SREK1IP1: variants seen among roughly 807,000 people sequenced by gnomAD.
SREK1IP1 encodes SREK1 interacting protein 1.
Under a neutral mutation model 22.8 loss-of-function variants are expected in SREK1IP1, and 12 were observed. The observed-to-expected ratio is 0.53, with a 90% CI of 0.34 to 0.85. The LOEUF (loss-of-function observed/expected upper bound fraction) is 0.85. SREK1IP1 is among the 40% of genes least tolerant of loss of function. The pLI, the probability that SREK1IP1 is intolerant of heterozygous loss-of-function variation, is 0.02. For synonymous variants in SREK1IP1, 53 were observed against 52.7 expected (o/e 1.01, Z -0.02); for missense variants, 147 against 171.8 (o/e 0.86, Z 0.81).
chr5:64,761,761 T>C (rs1403683058), intron 1 of SREK1IP1, among the ~76,000 whole-genome samples: 2 of 152,198 alleles, frequency 1.3e-5, no homozygotes, highest in African/African-American at 4.8e-5. Flanking sequence ...AGCTAAGAAA[T>C]ACGCGTGTGC....
chr5:64,764,689 T>A (rs1286569660), intron 1 of SREK1IP1, among the ~76,000 whole-genome samples: 1 of 152,158 alleles, frequency 6.6e-6, no homozygotes, highest in Admixed American at 6.5e-5. Flanking sequence ...GTTAAGTGGC[T>A]TGAAGAGAAC....
intron 3 of SREK1IP1, among the ~76,000 whole-genome samples, chr5:64,739,215 C>G (rs1408569116): frequency 6.6e-6 from 1 of 152,038 alleles, no homozygotes; most frequent in Non-Finnish European, 1.5e-5. Context: ...GAAGTATTTC[C>G]TAGACTAATT....
chr5:64,740,289 C>A (rs1742531676), intron 3 of SREK1IP1, among the ~76,000 whole-genome samples: 1 of 151,992 alleles, frequency 6.6e-6, no homozygotes, highest in South Asian at 2.1e-4. Context: ...ATCTGTTAGC[C>A]ATAGAACCCC....
intron 1 of SREK1IP1, among the ~76,000 whole-genome samples, chr5:64,762,426 A>G (rs1742965909): frequency 6.6e-6 from 1 of 152,162 alleles, no homozygotes; most frequent in African/African-American, 2.4e-5. Context: ...GACAATTTCA[A>G]TTACTTCTGC....
chr5:64,739,819 CT>C (rs1284429974), intron 3 of SREK1IP1, among the ~76,000 whole-genome samples: 1 of 152,044 alleles, frequency 6.6e-6, no homozygotes. Flanking sequence ...TTCTCTCCCT[CT>C]TTTTCCTTTT....
chr5:64,735,114 G>A (rs1340924031), intron 3 of SREK1IP1, among the ~76,000 whole-genome samples: 3 of 151,696 alleles, frequency 2.0e-5, no homozygotes, highest in Admixed American at 6.6e-5. Flanking sequence ...TTTATCAGAA[G>A]TATATGATGG....
At chr5:64,750,099 TTGAA>T (rs1307202610) in intron 2 of SREK1IP1, among the ~76,000 whole-genome samples, 10 of 152,276 alleles carry the variant, frequency 6.6e-5, no homozygotes, top group Admixed American at 1.3e-4. Context: ...TGCCACGAGA[TTGAA>T]TGGACAGCCT....
intron 2 of SREK1IP1, among the ~76,000 whole-genome samples, chr5:64,749,059 CATAATAATAATAATA>C (rs58434271): frequency 0.027 from 3,498 of 131,610 alleles, 130 homozygotes; most frequent in African/African-American, 0.084. Context: ...AGCTATGCCA[CATAATAATAATAATA>C]ATAATAATAA....
Position 64,724,451 on chromosome 5 carries a change from T to G in SREK1IP1, c.401A>C (p.Glu134Ala). Reference sequence around the variant, plus strand: ...CTTTTCCTTTTTTCTCTTCTTTTTTTCCTTTTTGTGATGTTTCCCTTTTTT... The same window carrying G: ...CTTTTCCTTTTTTCTCTTCTTTTTTGCCTTTTTGTGATGTTTCCCTTTTTT... Reference protein sequence around the residue: ...KSKKGKHHKKEKKKRKKEKHS... With the variant: ...KSKKGKHHKKAKKKRKKEKHS... The change falls in exon 5 of 5, where the codon GAA becomes GCA. Residue 134 changes from glutamate (E) to alanine (A), a missense_variant. Glu to Ala is a moderately radical substitution (Grantham distance 107). Around this residue, in one of 3 missense-constraint regions of SREK1IP1, gnomAD observed 82 missense variants for 81.7 expected, o/e 1.00. Transcript: ENST00000513458. 6.3e-7 allele frequency: 1 copy of G among 1,589,126 alleles called. No homozygotes were observed.
chr5:64,744,500 C>G (rs1424542346), intron 2 of SREK1IP1, among the ~76,000 whole-genome samples: 1 of 152,142 alleles, frequency 6.6e-6, no homozygotes, highest in African/African-American at 2.4e-5. Context: ...GACGGATTCG[C>G]CACCGGTAAC....
chr5:64,757,861 C>CTTTTTTTTTTT (rs59456636), intron 1 of SREK1IP1, among the ~76,000 whole-genome samples: 1 of 72,944 alleles, frequency 1.4e-5, no homozygotes, highest in Non-Finnish European at 2.5e-5. Context: ...AGGTTCCTAT[C>CTTTTTTTTTTT]TTTTTTTTTT....
intron 1 of SREK1IP1, among the ~76,000 whole-genome samples, chr5:64,756,711 C>T (rs1177994374): frequency 2.6e-5 from 4 of 151,906 alleles, no homozygotes; most frequent in African/African-American, 9.7e-5. Context: ...ACTGCCAGCT[C>T]TGCCTCCCAG....
chr5:64,741,170 A>G lies in SREK1IP1; in HGVS notation c.92T>C (p.Phe31Ser), dbSNP rs1344645900. The G allele has an allele frequency of 6.2e-7, 1 of 1,611,804 alleles. No homozygotes were observed. Among genetic ancestry groups the G allele is most frequent in the Non-Finnish European group, 8.5e-7 (1 of 1,178,762 alleles). Residue 31 changes from phenylalanine to serine, a missense_variant, in exon 3 of 5, where the codon TTT becomes TCT. By Grantham distance (155) the Phe-to-Ser change is radical (BLOSUM62 -2). This residue lies in a region of SREK1IP1 where 62 missense variants were observed against 73.3 expected (regional missense o/e 0.85). Transcript: ENST00000513458. Reference sequence around the variant, plus strand: ...GTCCCTTTTAGGGTCTACTCGGAGAAAATTGCGGCATTCAAAAGTCAGGTG... The same window carrying G: ...GTCCCTTTTAGGGTCTACTCGGAGAGAATTGCGGCATTCAAAAGTCAGGTG... ...PGHLTFECRN[F>S]LRVDPKRDIV...
intron 1 of SREK1IP1, 103 bp from the exon 2 acceptor site, chr5:64,754,465 TTC>T (rs1742803057): frequency 8.3e-7 from 1 of 1,211,500 alleles, no homozygotes; most frequent in Admixed American, 2.1e-5. Context: ...GTTATAGAAT[TTC>T]TTTTTTTTTG....
intron 4 of SREK1IP1, among the ~76,000 whole-genome samples, chr5:64,725,939 A>ACTGCAACCTCCGCTCCC (rs1456675846): frequency 1.4e-5 from 2 of 140,272 alleles, no homozygotes; most frequent in Non-Finnish European, 3.0e-5. Context: ...ATCTCGGCTC[A>ACTGCAACCTCCGCTCCC]CTGCAACCTC....
intron 1 of SREK1IP1, chr5:64,765,202 AC>A (rs1331775547): frequency 3.9e-5 from 6 of 152,238 alleles, no homozygotes; most frequent in Non-Finnish European, 5.9e-5. Flanking sequence ...TATAATAACA[AC>A]TAAGAGTAAG....
intron 4 of SREK1IP1, among the ~76,000 whole-genome samples, chr5:64,727,355 TAA>T (rs1038883530): frequency 7.1e-6 from 1 of 141,128 alleles, no homozygotes; most frequent in Non-Finnish European, 1.5e-5. Context: ...AGTTAGTTTT[TAA>T]AAGAGTTAAT....
At chr5:64,767,705 C>A (rs1398277418) in intron 1 of SREK1IP1, among the ~76,000 whole-genome samples, 4 of 151,954 alleles carry the variant, frequency 2.6e-5, no homozygotes, top group African/African-American at 7.3e-5. Context: ...AGAATAGAAT[C>A]TTTTCTATTA....
At chr5:64,732,424 T>G (rs540027058) in intron 3 of SREK1IP1, among the ~76,000 whole-genome samples, 5 of 152,174 alleles carry the variant, frequency 3.3e-5, no homozygotes, top group Admixed American at 6.5e-5. Context: ...CAATTTATTT[T>G]TATTAGCAAC....
Sources: allele counts gnomAD v4.1 joint callset (sites outside exome capture counted in the v4.1 genomes callset), GRCh38; gene constraint gnomAD v4.1.1; regional missense constraint gnomAD v4.1.1; transcripts MANE v1.5; gene names NCBI Gene and HGNC (gene_info 2026-07-23, HGNC 2026-07-21).